Variants in PRKAR1B observed in about 807,000 individuals in gnomAD.
PRKAR1B encodes cAMP-dependent protein kinase type I-beta regulatory subunit.
In PRKAR1B, 22 loss-of-function variants were observed where a neutral mutation model predicts 46.5. That is an observed-to-expected ratio of 0.47 (90% confidence interval 0.34 to 0.68). The LOEUF is 0.68. Ranked by LOEUF, PRKAR1B falls within the 30% of genes least tolerant of loss-of-function variation. The pLI is 0.01. For synonymous variants in PRKAR1B, 259 were observed against 217.7 expected (o/e 1.19, Z -1.67); for missense variants, 445 against 535.6 (o/e 0.83, Z 1.67).
chr7:722,956 C>A (rs1038923149), intron 1 of PRKAR1B, among the ~76,000 whole-genome samples: 1 of 152,182 alleles, frequency 6.6e-6, no homozygotes, highest in Non-Finnish European at 1.5e-5. Context: ...AGAGCCCTGG[C>A]ACTGCCCTCC....
chr7:697,517 G>C (rs938680414), intron 2 of PRKAR1B, among the ~76,000 whole-genome samples: 1 of 152,146 alleles, frequency 6.6e-6, no homozygotes, highest in African/African-American at 2.4e-5. Context: ...GGCATGAGTG[G>C]TGTTTCTGGA....
At chr7:605,004 G>A (rs1443453991) in intron 6 of PRKAR1B, among the ~76,000 whole-genome samples, 10 of 152,228 alleles carry the variant, frequency 6.6e-5, no homozygotes, top group African/African-American at 1.9e-4. Context: ...CAGAAAGGCC[G>A]TAAAGAGACG....
chr7:676,654 G>A (rs1562607705), intron 4 of PRKAR1B, among the ~76,000 whole-genome samples: 1 of 152,226 alleles, frequency 6.6e-6, no homozygotes, highest in Non-Finnish European at 1.5e-5. Context: ...ATAGTATTTC[G>A]GGAAGCCACC....
intron 2 of PRKAR1B, among the ~76,000 whole-genome samples, chr7:686,286 G>A (rs1004163688): frequency 9.9e-5 from 15 of 151,220 alleles, no homozygotes; most frequent in African/African-American, 2.0e-4. Context: ...GGGCGACAGA[G>A]CGAGATTATG....
rs1047116239 is a variant in PRKAR1B, at chr7:613,912, A to G, written c.441-6460T>C. Among the ~76,000 whole-genome samples the G allele has an allele frequency of 4.6e-5, 7 of 152,326 alleles. No homozygotes were observed. The East Asian group carries it at 7.7e-4, about 17-fold the overall frequency. On this transcript the variant is annotated intron_variant, in intron 4 of 10. Coordinates refer to ENST00000537384, the MANE Select transcript of PRKAR1B (RefSeq NM_001164760.2). The stretch of plus-strand genomic sequence containing the variant: ...GGCCCCAGGACAGGGAAGCCTGCGG[A>G]GCCAAGAGGGTGCAGTGCTGGGAGG...
chr7:691,878 CT>C (rs1280869585), intron 2 of PRKAR1B: 2 of 1,150,754 alleles, frequency 1.7e-6, no homozygotes, highest in Non-Finnish European at 2.2e-6. Flanking sequence ...ATCTCACAAT[CT>C]CTCAGAATGG....
At chr7:684,133 GATGCCCACCTCTGTGTACACCA>G (rs1778868839) in intron 2 of PRKAR1B, among the ~76,000 whole-genome samples, 1 of 147,912 alleles carries the variant, frequency 6.8e-6, no homozygotes, top group Non-Finnish European at 1.5e-5. Context: ...CGTGTGTGCT[GATGCCCACCTCTGTGTACACCA>G]ATGCCCACCT....
chr7:698,978 A>T (rs942246837), intron 2 of PRKAR1B, among the ~76,000 whole-genome samples: 3 of 152,160 alleles, frequency 2.0e-5, no homozygotes, highest in African/African-American at 4.8e-5. Context: ...AGCCTGCCAC[A>T]CACAGGGGCA....
intron 9 of PRKAR1B, among the ~76,000 whole-genome samples, chr7:570,185 G>A (rs1439638560): frequency 2.0e-5 from 3 of 152,216 alleles, no homozygotes; most frequent in Non-Finnish European, 2.9e-5. Context: ...CGCGCGGCCG[G>A]TGCAGGTTCC....
chr7:571,730 C>T (rs984178649), intron 9 of PRKAR1B, among the ~76,000 whole-genome samples: 4 of 152,272 alleles, frequency 2.6e-5, no homozygotes, highest in South Asian at 2.1e-4. Flanking sequence ...CCTGGAAAAG[C>T]AGGCGTGCGG....
At chr7:633,706 T>A (rs930499410) in intron 4 of PRKAR1B, among the ~76,000 whole-genome samples, 14 of 152,104 alleles carry the variant, frequency 9.2e-5, no homozygotes, top group Admixed American at 2.6e-4. Context: ...GGGACGCAGG[T>A]TGGGCCCGCC....
chr7:628,425 C>T (rs1783535177), intron 4 of PRKAR1B, among the ~76,000 whole-genome samples: 1 of 152,262 alleles, frequency 6.6e-6, no homozygotes, highest in African/African-American at 2.4e-5. Flanking sequence ...TCTCTCCAGA[C>T]TGGGATGCAG....
At chr7:634,523 G>T (rs1783933959) in intron 4 of PRKAR1B, among the ~76,000 whole-genome samples, 1 of 152,148 alleles carries the variant, frequency 6.6e-6, no homozygotes, top group Admixed American at 6.5e-5. Context: ...GTGGGGGTCA[G>T]CTCAGCTCAG....
intron 4 of PRKAR1B, among the ~76,000 whole-genome samples, chr7:672,388 G>A (rs886414751): frequency 6.6e-6 from 1 of 151,796 alleles, no homozygotes; most frequent in South Asian, 2.1e-4. Context: ...CTGGCCTCAA[G>A]TGATCTGCCC....
At chr7:627,921 CCT>C (rs1299437230) in intron 4 of PRKAR1B, among the ~76,000 whole-genome samples, 45 of 152,156 alleles carry the variant, frequency 3.0e-4, no homozygotes, top group Admixed American at 2.5e-3. Context: ...ACACACAGCC[CCT>C]GTCTCATAAA....
intron 2 of PRKAR1B, chr7:691,858 A>G: frequency 8.6e-7 from 1 of 1,159,522 alleles, no homozygotes; most frequent in Non-Finnish European, 1.1e-6. Context: ...GGTCACCATG[A>G]CAACGGGCCA....
intron 3 of PRKAR1B, among the ~76,000 whole-genome samples, chr7:679,593 TAG>T (rs1428636216): frequency 2.0e-5 from 3 of 152,272 alleles, no homozygotes; most frequent in South Asian, 2.1e-4. Context: ...GTTTAGGGAA[TAG>T]AGTCTCAGTT....
chr7:568,705 G>A (rs371257997), intron 9 of PRKAR1B, among the ~76,000 whole-genome samples: 1 of 152,240 alleles, frequency 6.6e-6, no homozygotes, highest in African/African-American at 2.4e-5. Context: ...GTCCAGAACT[G>A]CGCATCTGTT....
At chr7:683,108 C>A (rs1435165238) in intron 2 of PRKAR1B, among the ~76,000 whole-genome samples, 3 of 152,214 alleles carry the variant, frequency 2.0e-5, no homozygotes, top group African/African-American at 7.2e-5. Context: ...AGGCCAAGTT[C>A]CCTACCAATG....
Sources: gnomAD v4.1 joint callset for allele counts (sites outside exome capture counted in the v4.1 genomes callset) on GRCh38, gnomAD v4.1.1 for gene constraint, MANE v1.5 for transcripts, NCBI Gene and HGNC (gene_info 2026-07-23, HGNC 2026-07-21) for gene names.